PCDHGA4: variants seen among roughly 807,000 people sequenced by gnomAD.
The protein encoded by PCDHGA4 is protocadherin gamma subfamily A, 4.
PCDHGA4 carries 38 observed loss-of-function variants against 54.6 expected under a neutral mutation model. The ratio of observed to expected loss-of-function variants is 0.70; its 90% CI spans 0.54 to 0.91. The LOEUF (loss-of-function observed/expected upper bound fraction) is 0.91, where lower values mean the gene tolerates loss of function less well. Ranked by LOEUF, PCDHGA4 falls within the 40% of genes least tolerant of loss-of-function variation. The pLI is 0.00. For missense variants in PCDHGA4, 1,298 were observed against 1,220.9 expected (o/e 1.06, Z -0.94); for synonymous variants, 511 against 512.9 (o/e 1.00, Z 0.05).
At chr5:141,393,194 C>A in intron 1 of PCDHGA4, 2 of 1,613,362 alleles carry the variant, frequency 1.2e-6, no homozygotes, top group Non-Finnish European at 1.7e-6. Context: ...TTGATATTAA[C>A]GATAATAACC....
At chr5:141,377,551 G>A (rs949060522) in intron 1 of PCDHGA4, 1 of 151,380 alleles carries the variant, frequency 6.6e-6, no homozygotes, top group Non-Finnish European at 1.5e-5. Flanking sequence ...AGATATAATT[G>A]TGTCACTGCA....
In PCDHGA4 at chr5:141,432,752, G is replaced by C. The variant is rs1407361813; in HGVS notation, c.2515-62055G>C. On this transcript the variant is annotated intron_variant, in intron 1 of 3. Coordinates refer to ENST00000571252, the MANE Select transcript of PCDHGA4 (RefSeq NM_018917.4). The surrounding 1 kb of genome is among the most constrained non-coding windows in gnomAD (Gnocchi z 6.0). Reference sequence around the variant, plus strand: ...CACTGTCACGCTCACCGTGGCCGTGGCCGACAGCATCCCCCAAGTCCTGGC... The same window carrying C: ...CACTGTCACGCTCACCGTGGCCGTGCCCGACAGCATCCCCCAAGTCCTGGC... 9.3e-6 allele frequency: 15 copies of C among 1,614,024 alleles called. No individual in the cohort carries two copies. The highest frequency in any genetic ancestry group is 1.3e-5 in the Non-Finnish European group (15 of 1,180,008).
intron 1 of PCDHGA4, chr5:141,399,485 A>G (rs760899297): frequency 4.7e-5 from 76 of 1,613,904 alleles, no homozygotes; most frequent in Non-Finnish European, 6.1e-5. Context: ...CAGGCGTCCT[A>G]CTTAGTCAGT....
intron 1 of PCDHGA4, chr5:141,418,297 C>T (rs760176371): frequency 2.5e-6 from 4 of 1,614,026 alleles, no homozygotes; most frequent in African/African-American, 2.7e-5. Flanking sequence ...GTGAATCCGT[C>T]AGCCTGGGGA....
At chr5:141,407,930 C>T (rs2095001418) in intron 1 of PCDHGA4, 2 of 498,880 alleles carry the variant, frequency 4.0e-6, no homozygotes, top group Non-Finnish European at 6.9e-6. Flanking sequence ...CGCACGGAGC[C>T]TCTGGGCGCC....
intron 1 of PCDHGA4, chr5:141,423,265 G>T: frequency 6.2e-7 from 1 of 1,613,666 alleles, no homozygotes; most frequent in Non-Finnish European, 8.5e-7. Flanking sequence ...CGGCAGCCTC[G>T]AGTCTCTGGC....
At chr5:141,484,453 C>T (rs1212059469) in intron 1 of PCDHGA4, among the ~76,000 whole-genome samples, 1 of 152,160 alleles carries the variant, frequency 6.6e-6, no homozygotes. Flanking sequence ...TAATTGGCTA[C>T]GTTAATGTGT....
At chr5:141,495,356 C>A (rs889897990) in intron 2 of PCDHGA4, among the ~76,000 whole-genome samples, 3 of 152,222 alleles carry the variant, frequency 2.0e-5, no homozygotes, top group Non-Finnish European at 4.4e-5. Flanking sequence ...GGCAGCACAG[C>A]TGGAGGTGGA....
chr5:141,401,712 A>G (rs987480271), intron 1 of PCDHGA4, among the ~76,000 whole-genome samples: 1 of 152,226 alleles, frequency 6.6e-6, no homozygotes, highest in Non-Finnish European at 1.5e-5. Flanking sequence ...TCCATTTTTA[A>G]GACAAAAACT....
chr5:141,384,922 C>T, intron 1 of PCDHGA4: 1 of 1,614,018 alleles, frequency 6.2e-7, no homozygotes, highest in Non-Finnish European at 8.5e-7. Context: ...CTTGGCCGAC[C>T]TGGGCAGCCT....
At position 141,430,860 on chromosome 5, in the gene PCDHGA4, C is replaced by G. The variant is rs773955533; in HGVS notation, c.2515-63947C>G. ...ACCGGATGCACCCAGATACGCTATTCAGTTCCGGAAGAGCTGGAGAAAGGC... is the reference window on the plus strand; with the variant it reads ...ACCGGATGCACCCAGATACGCTATTGAGTTCCGGAAGAGCTGGAGAAAGGC... On this transcript the variant is annotated intron_variant, in intron 1 of 3. Transcript: ENST00000571252. 4 of 1,592,382 alleles carry G rather than the reference C, an allele frequency of 2.5e-6. No individual in the cohort carries two copies. In the South Asian group the frequency reaches 4.6e-5, roughly 18 times the overall value.
At chr5:141,484,506 G>T (rs1442936814) in intron 1 of PCDHGA4, among the ~76,000 whole-genome samples, 1 of 152,186 alleles carries the variant, frequency 6.6e-6, no homozygotes, top group Non-Finnish European at 1.5e-5. Context: ...TGAATATTCT[G>T]CAGAAGGGCA....
chr5:141,454,832 G>A (rs1311246854), intron 1 of PCDHGA4, among the ~76,000 whole-genome samples: 2 of 75,830 alleles, frequency 2.6e-5, no homozygotes, highest in African/African-American at 1.3e-4. Context: ...TTTTGAGACA[G>A]AGTCGCGCTC....
At chr5:141,368,548 T>A (rs867089614) in intron 1 of PCDHGA4, among the ~76,000 whole-genome samples, 20 of 152,266 alleles carry the variant, frequency 1.3e-4, no homozygotes, top group African/African-American at 3.6e-4. Context: ...CCATTTTTTT[T>A]AAAAGAAAAT....
In PCDHGA4 at chr5:141,491,276, A is replaced by G; in HGVS notation, c.2515-3531A>G. The G allele has an allele frequency of 6.2e-7, 1 of 1,614,104 alleles. No individual in the cohort carries two copies. On this transcript the variant is annotated intron_variant, in intron 1 of 3. Coordinates refer to ENST00000571252, the MANE Select transcript of PCDHGA4 (RefSeq NM_018917.4). The surrounding 1 kb of genome is among the most constrained non-coding windows in gnomAD (Gnocchi z 6.9). ...CCTGAGGAAATGCCCAAATCCAGTG[A>G]CTTCCTCATACACCCTCCTGAGCGT...
intron 1 of PCDHGA4, chr5:141,405,066 T>G: frequency 1.2e-6 from 2 of 1,613,866 alleles, no homozygotes; most frequent in South Asian, 2.2e-5. Context: ...TGTGTCTTCC[T>G]CACCTTCGTT....
rs1036281905 is a variant in PCDHGA4 at position 141,493,555 on chromosome 5, T to C, written c.2515-1252T>C. ...GCCAGTTATCCTTTTGGAGATTGAG[T>C]TCCCCCAGCTCCGTTTCCTCCTATC... On this transcript the variant is annotated intron_variant, in intron 1 of 3. Transcript: ENST00000571252. This position sits in a 1 kb window ranked among gnomAD's most constrained non-coding sequence, Gnocchi z 4.3. Among the ~76,000 whole-genome samples, 3 of 152,012 alleles carry C rather than the reference T, an allele frequency of 2.0e-5. No individual in the cohort carries two copies. Among genetic ancestry groups the C allele is most frequent in the African/African-American group, 7.3e-5 (3 of 41,362 alleles).
At chr5:141,414,242 T>C (rs1412230684) in intron 1 of PCDHGA4, 1 of 1,613,538 alleles carries the variant, frequency 6.2e-7, no homozygotes, top group Admixed American at 1.7e-5. Flanking sequence ...ATCACGTCTC[T>C]ATTTAGTCCA....
At chr5:141,393,622 A>G (rs776047060) in intron 1 of PCDHGA4, 2 of 1,613,960 alleles carry the variant, frequency 1.2e-6, no homozygotes, top group Non-Finnish European at 1.7e-6. Flanking sequence ...AGCGACCCGG[A>G]TGAGGGAATC....
Sources: gnomAD v4.1 joint callset for allele counts (sites outside exome capture counted in the v4.1 genomes callset) on GRCh38, gnomAD v4.1.1 for gene constraint, Gnocchi (gnomAD v3.1) non-coding constraint, MANE v1.5 for transcripts, NCBI Gene and HGNC (gene_info 2026-07-23, HGNC 2026-07-21) for gene names.